CDC6: variants seen among roughly 807,000 people sequenced by gnomAD.
CDC6 encodes the protein cell division cycle 6.
CDC6 carries 46 observed loss-of-function variants against 60.2 expected under a neutral mutation model. The ratio of observed to expected loss-of-function variants is 0.76; its 90% CI spans 0.60 to 0.98. The LOEUF (loss-of-function observed/expected upper bound fraction) is 0.98, where lower values mean the gene tolerates loss of function less well. Among genes scored for constraint, CDC6 ranks in the 50% least tolerant of loss-of-function variants. The pLI is 0.00. For synonymous variants in CDC6, 210 were observed against 233.2 expected, an observed-to-expected ratio of 0.90 and a Z score of 0.90; for missense variants, 596 against 652.9, an observed-to-expected ratio of 0.91 and a Z score of 0.95.
chr17:40,294,312 T>G, intron 6 of CDC6, 52 bp from the exon 7 acceptor site: 1 of 1,424,354 alleles, frequency 7.0e-7, no homozygotes, highest in Non-Finnish European at 9.9e-7. Context: ...AGATTTAGTT[T>G]TCCCTTTAGG....
rs2032940608 is a variant in CDC6 at position 40,301,531 on chromosome 17, T to C, written c.1516T>C (p.Cys506Arg). ...GGTGGCGGCTGTGGACCAGTCAGAG[T>C]GTTTGTCACTTTCAGGGCTCTTGGA... ...QQVAAVDQSE[C>R]LSLSGLLEAR... The change falls in exon 11 of 12, where the codon TGT (cysteine) becomes CGT (arginine). Residue 506 changes from cysteine (C) to arginine (R), a missense_variant. By Grantham distance (180) the Cys-to-Arg change is radical (BLOSUM62 -3). Coordinates refer to ENST00000209728, the MANE Select transcript of CDC6 (RefSeq NM_001254.4). 6.2e-7 allele frequency: 1 copy of C among 1,613,774 alleles called. No individual in the cohort carries two copies. The highest frequency in any genetic ancestry group is 8.5e-7 in the Non-Finnish European group (1 of 1,179,788).
intron 9 of CDC6, among the ~76,000 whole-genome samples, chr17:40,299,666 G>A (rs2143106992): frequency 6.6e-6 from 1 of 151,994 alleles, no homozygotes; most frequent in Admixed American, 6.6e-5. Flanking sequence ...GGGAGGCCGA[G>A]GAGGGCAGAT....
At position 40,294,071 on chromosome 17, in the gene CDC6, G is replaced by A; in HGVS notation, c.943+15G>A. On this transcript the variant is annotated intron_variant, in intron 6 of 11. Transcript: ENST00000209728. ...GGTGCTGATTGGTTAGTGCTCAATT[G>A]TTAATGTTACATGGTGGTTCTAAAG... is the stretch of plus-strand genomic sequence containing the variant. The A allele has an allele frequency of 6.5e-7, 1 of 1,532,198 alleles. No homozygotes were observed. 94.9% of individuals were successfully genotyped at this position (1,532,198 alleles called of 1,614,324 possible).
At chr17:40,296,336 TA>T (rs1266938878) in intron 8 of CDC6, among the ~76,000 whole-genome samples, 2 of 152,170 alleles carry the variant, frequency 1.3e-5, no homozygotes, top group Non-Finnish European at 2.9e-5. Flanking sequence ...TCCTCTCTCC[TA>T]CCCATGACAT....
intron 8 of CDC6, 45 bp downstream of exon 8, chr17:40,295,501 A>G: frequency 1.6e-6 from 2 of 1,263,724 alleles, no homozygotes; most frequent in Non-Finnish European, 2.3e-6. Flanking sequence ...AAAAAAAAAA[A>G]AGAAATGCTG....
chr17:40,293,943 T>C lies in CDC6; in HGVS notation c.837-7T>C. The C allele has an allele frequency of 6.2e-7, 1 of 1,605,526 alleles. No homozygotes were observed. The highest frequency in any genetic ancestry group is 8.5e-7 in the Non-Finnish European group (1 of 1,172,190). On this transcript the variant is annotated splice_region_variant and splice_polypyrimidine_tract_variant and intron_variant, in intron 5 of 11. Transcript: ENST00000209728. ...AATATGGATACTAACTGTTTCTCTT[T>C]TTATAGTGTGTTGGTATTGGACGAG...
Position 40,291,191 on chromosome 17 carries a change from T to G in CDC6, c.312T>G (p.Ile104Met), listed in dbSNP as rs1410471644. The change falls in exon 3 of 12, where the codon ATT becomes ATG. Residue 104 changes from isoleucine to methionine, a missense_variant. Ile to Met is a conservative substitution (Grantham distance 10). Transcript: ENST00000209728. ...TGGTATTTGACAATCAGCTGACAAT[T>G]AAGTCTCCTAGCAAAAGAGAACTAG... ...RRLVFDNQLT[I>M]KSPSKRELAK... 1 of 1,614,196 alleles carries G rather than the reference T, an allele frequency of 6.2e-7. No individual in the cohort carries two copies. Among genetic ancestry groups the G allele is most frequent in the South Asian group, 1.1e-5 (1 of 91,084 alleles).
chr17:40,299,754 A>G (rs1380501837), intron 9 of CDC6, among the ~76,000 whole-genome samples: 4 of 151,470 alleles, frequency 2.6e-5, no homozygotes, highest in African/African-American at 7.3e-5. Flanking sequence ...CCAAAAAGAA[A>G]AAAAAAAAAA....
chr17:40,296,609 G>A lies in CDC6; in HGVS notation c.1185-94G>A. ...ACCATTGTTCATAGTTGCAGTCTTT[G>A]AGCAATGGTCATTAATGTGCCGCTT... On this transcript the variant is annotated intron_variant, in intron 8 of 11. Coordinates refer to ENST00000209728, the MANE Select transcript of CDC6 (RefSeq NM_001254.4). The A allele has an allele frequency of 4.0e-6, 3 of 752,648 alleles. No homozygotes were observed. In the South Asian group the frequency reaches 4.3e-5, roughly 11 times the overall value. The allele number at this position is 752,648 out of a possible 1,614,324, so 46.6% of individuals were successfully genotyped here.
Position 40,294,443 on chromosome 17 carries a change from G to A in CDC6, c.1023G>A (p.Leu341=). ...QAREKCKPQL[L]NFPPYTRNQI... ...GAGAAAAATGTAAGCCACAGCTGTT[G>A]AACTTCCCACCTTATACCAGAAATC... Residue 341 remains leucine, a synonymous_variant, in exon 7 of 12, where the codon TTG becomes TTA. Coordinates refer to ENST00000209728, the MANE Select transcript of CDC6 (RefSeq NM_001254.4). 1 of 1,613,654 alleles carries A rather than the reference G, an allele frequency of 6.2e-7. No individual in the cohort carries two copies. Among genetic ancestry groups the A allele is most frequent in the Non-Finnish European group, 8.5e-7 (1 of 1,179,614 alleles).
rs1219929306 is a variant in CDC6, at chr17:40,293,629, G to A, written c.834G>A (p.Met278Ile). The change falls in exon 5 of 12, where the codon ATG becomes ATA. Residue 278 changes from methionine (M) to isoleucine (I), a missense_variant and splice_region_variant. Met to Ile is a conservative substitution (Grantham distance 10). Coordinates refer to ENST00000209728, the MANE Select transcript of CDC6 (RefSeq NM_001254.4). Reference sequence around the variant, plus strand: ...ATATGACTGCAGAGAAGGGCCCCATGATGTAAGTATTGTTCTGCTTCATGT... The same window carrying A: ...ATATGACTGCAGAGAAGGGCCCCATAATGTAAGTATTGTTCTGCTTCATGT... The part of the protein sequence containing the change: ...EKHMTAEKGP[M>I]IVLVLDEMDQ... The A allele has an allele frequency of 6.2e-7, 1 of 1,609,948 alleles. No individual in the cohort carries two copies. The highest frequency in any genetic ancestry group is 8.5e-7 in the Non-Finnish European group (1 of 1,176,172).
chr17:40,291,000 A>C lies in CDC6; in HGVS notation c.179-58A>C, dbSNP rs925183859. ...TTTCTGGAAGAGGCAGAGGTCTTGC[A>C]CATCCTTTTACTATCCAATGCTATG... On this transcript the variant is annotated intron_variant, in intron 2 of 11. Transcript: ENST00000209728. 5 of 1,550,226 alleles carry C rather than the reference A, an allele frequency of 3.2e-6. No homozygotes were observed. In the African/African-American group the frequency reaches 5.4e-5, roughly 17 times the overall value.
chr17:40,294,515 C>A lies in CDC6; in HGVS notation c.1083+12C>A, dbSNP rs2143088856. On this transcript the variant is annotated intron_variant, in intron 7 of 11. Coordinates refer to ENST00000209728, the MANE Select transcript of CDC6 (RefSeq NM_001254.4). ...ATCGACTTAATCAGGTCAGTGCCAACTATTTTGCCAAATTATGTGTTCCTT... is the reference window on the plus strand; with the variant it reads ...ATCGACTTAATCAGGTCAGTGCCAAATATTTTGCCAAATTATGTGTTCCTT... The A allele has an allele frequency of 6.2e-7, 1 of 1,613,486 alleles. No individual in the cohort carries two copies. The highest frequency in any genetic ancestry group is 8.5e-7 in the Non-Finnish European group (1 of 1,179,554).
At chr17:40,301,855 G>A in intron 11 of CDC6, 57 bp from the exon 12 acceptor site, 1 of 1,169,934 alleles carries the variant, frequency 8.5e-7, no homozygotes, top group East Asian at 2.3e-5. Context: ...TTTGTATACT[G>A]ACAACTTTGC....
At chr17:40,300,487 T>C (rs1030190404) in intron 9 of CDC6, among the ~76,000 whole-genome samples, 10 of 152,004 alleles carry the variant, frequency 6.6e-5, no homozygotes, top group Non-Finnish European at 1.5e-4. Context: ...ACAGAGATCC[T>C]GTCCCAAAAA....
intron 8 of CDC6, among the ~76,000 whole-genome samples, chr17:40,296,146 G>A (rs1187218784): frequency 6.6e-6 from 1 of 152,160 alleles, no homozygotes; most frequent in Non-Finnish European, 1.5e-5. Context: ...TCCTGAATTT[G>A]AAAGTTTCCC....
Position 40,291,149 on chromosome 17 carries a change from A to T in CDC6, c.270A>T (p.Thr90=). The change falls in exon 3 of 12, where the codon ACA becomes ACT. Residue 90 remains threonine, a synonymous_variant. Coordinates refer to ENST00000209728, the MANE Select transcript of CDC6 (RefSeq NM_001254.4). ...AGAATGGTCCCCCTCACTCACATAC[A>T]CTTAAGGGACGAAGATTGGTATTTG... ...KKENGPPHSH[T]LKGRRLVFDN... is the part of the protein sequence containing the mutation. 6.2e-7 allele frequency: 1 copy of T among 1,614,138 alleles called. No individual in the cohort carries two copies. The highest frequency in any genetic ancestry group is 8.5e-7 in the Non-Finnish European group (1 of 1,179,974).
chr17:40,294,627 G>A, intron 7 of CDC6, 124 bp downstream of exon 7: 4 of 821,782 alleles, frequency 4.9e-6, no homozygotes, highest in South Asian at 1.4e-5. Context: ...AGTTCCTATG[G>A]ACCATAGTGA....
chr17:40,297,271 T>C (rs897793829), intron 9 of CDC6, among the ~76,000 whole-genome samples: 7 of 152,142 alleles, frequency 4.6e-5, no homozygotes, highest in Admixed American at 1.3e-4. Context: ...ACCTTGTTTC[T>C]ACAAAAAATT....
Sources: gnomAD v4.1 joint callset for allele counts (sites outside exome capture counted in the v4.1 genomes callset) on GRCh38, gnomAD v4.1.1 for gene constraint, MANE v1.5 for transcripts, NCBI Gene and HGNC (gene_info 2026-07-23, HGNC 2026-07-21) for gene names.